Variants in CHCHD3 observed in about 807,000 individuals in gnomAD.
CHCHD3 encodes MICOS complex subunit MIC19.
CHCHD3 carries 20 observed loss-of-function variants against 38.2 expected under a neutral mutation model. The observed-to-expected ratio is 0.52, with a 90% CI of 0.37 to 0.76. The LOEUF is 0.76. Among genes scored for constraint, CHCHD3 ranks in the 30% least tolerant of loss-of-function variants. The pLI is 0.00. For missense variants in CHCHD3, 245 were observed against 279.2 expected (o/e 0.88, Z 0.87); for synonymous variants, 82 against 100.0 (o/e 0.82, Z 1.07).
intron 7 of CHCHD3, among the ~76,000 whole-genome samples, chr7:132,793,703 A>T (rs1444198697): frequency 6.6e-6 from 1 of 152,186 alleles, no homozygotes; most frequent in Non-Finnish European, 1.5e-5. Context: ...AGTGGAGTGG[A>T]CTTAGCCATT....
chr7:133,081,920 G>C lies in CHCHD3; in HGVS notation c.18C>G (p.Ser6Arg), dbSNP rs1039681130. MGGTT[S>R]TRRVTFEADE... ...CCGCCTCGAAGGTGACCCGGCGGGT[G>C]CTGGTGGTCCCACCCATGATTCCGG... The change falls in exon 1 of 8, where the codon AGC becomes AGG. Residue 6 changes from serine (S) to arginine (R), a missense_variant. Physicochemically the swap from Ser to Arg is moderately radical, Grantham distance 110 (BLOSUM62 -1). Transcript: ENST00000262570. The C allele has an allele frequency of 5.1e-6, 8 of 1,555,906 alleles. No homozygotes were observed. The highest frequency in any genetic ancestry group is 7.0e-6 in the Non-Finnish European group (8 of 1,149,832).
At chr7:132,919,298 A>G (rs1277758439) in intron 4 of CHCHD3, among the ~76,000 whole-genome samples, 1 of 151,468 alleles carries the variant, frequency 6.6e-6, no homozygotes, top group Non-Finnish European at 1.5e-5. Context: ...TTGTTAGTAG[A>G]GACGGGGTTT....
chr7:132,929,090 A>G (rs1810455472), intron 4 of CHCHD3, among the ~76,000 whole-genome samples: 1 of 152,174 alleles, frequency 6.6e-6, no homozygotes, highest in African/African-American at 2.4e-5. Flanking sequence ...CTTTCTTTCA[A>G]AGCTTAAAAT....
chr7:132,901,057 A>G (rs542741393), intron 4 of CHCHD3, among the ~76,000 whole-genome samples: 1 of 152,326 alleles, frequency 6.6e-6, no homozygotes, highest in East Asian at 1.9e-4. Flanking sequence ...AGGGATAAAA[A>G]TTACTTTCTA....
chr7:133,043,706 T>G (rs1446431814), intron 2 of CHCHD3, among the ~76,000 whole-genome samples: 1 of 152,098 alleles, frequency 6.6e-6, no homozygotes, highest in East Asian at 1.9e-4. Flanking sequence ...AATTCTCACA[T>G]TTTGCACTTA....
intron 4 of CHCHD3, among the ~76,000 whole-genome samples, chr7:132,960,360 C>T (rs73724133): frequency 6.6e-6 from 1 of 152,032 alleles, no homozygotes; most frequent in African/African-American, 2.4e-5. Context: ...TGGTGATGTG[C>T]AAGATGGAGA....
intron 4 of CHCHD3, chr7:132,972,776 C>A: frequency 1.0e-6 from 1 of 985,410 alleles, no homozygotes; most frequent in Non-Finnish European, 1.2e-6. Flanking sequence ...AATATTACAA[C>A]AGATGCTGAA....
chr7:132,786,994 G>A (rs1268816075), intron 7 of CHCHD3, among the ~76,000 whole-genome samples: 1 of 152,180 alleles, frequency 6.6e-6, no homozygotes, highest in East Asian at 1.9e-4. Context: ...GCTGGAGCGA[G>A]CAGGGAAGGC....
chr7:132,834,482 G>C (rs945776873), intron 6 of CHCHD3, among the ~76,000 whole-genome samples: 1 of 152,156 alleles, frequency 6.6e-6, no homozygotes, highest in Non-Finnish European at 1.5e-5. Flanking sequence ...AAAAATCCAA[G>C]GGCACAGTCC....
chr7:132,804,973 G>A (rs1460792028), intron 6 of CHCHD3, among the ~76,000 whole-genome samples: 3 of 152,176 alleles, frequency 2.0e-5, no homozygotes, highest in Admixed American at 6.5e-5. Context: ...AGAGGAGAAT[G>A]CTTAGGCACT....
At chr7:132,971,841 T>C (rs927091727) in intron 4 of CHCHD3, among the ~76,000 whole-genome samples, 2 of 152,156 alleles carry the variant, frequency 1.3e-5, no homozygotes, top group African/African-American at 4.8e-5. Context: ...TCCCACATAT[T>C]AGAATTAAGA....
intron 6 of CHCHD3, among the ~76,000 whole-genome samples, chr7:132,801,733 G>C (rs932633551): frequency 5.3e-5 from 8 of 152,198 alleles, no homozygotes. Context: ...GGTTAGCTTT[G>C]GCTAGCTAGA....
chr7:132,806,970 G>A (rs886432544), intron 6 of CHCHD3, among the ~76,000 whole-genome samples: 11 of 152,202 alleles, frequency 7.2e-5, no homozygotes, highest in African/African-American at 2.4e-4. Flanking sequence ...CCTAAGAAGG[G>A]TGTCCACAGT....
intron 5 of CHCHD3, among the ~76,000 whole-genome samples, chr7:132,876,792 AC>A (rs1382369467): frequency 6.6e-6 from 1 of 152,192 alleles, no homozygotes; most frequent in African/African-American, 2.4e-5. Flanking sequence ...AGTATTTCCT[AC>A]CAACAGGATT....
At chr7:132,938,633 G>A (rs1004980765) in intron 4 of CHCHD3, among the ~76,000 whole-genome samples, 31 of 151,912 alleles carry the variant, frequency 2.0e-4, no homozygotes, top group Admixed American at 1.6e-3. Flanking sequence ...AGTGCCTATC[G>A]AATGGAAATT....
chr7:132,896,615 C>CA (rs1294141458), intron 4 of CHCHD3, among the ~76,000 whole-genome samples: 3 of 152,272 alleles, frequency 2.0e-5, no homozygotes, highest in Admixed American at 2.0e-4. Context: ...AATCAAAACT[C>CA]AAATGAATGG....
intron 2 of CHCHD3, among the ~76,000 whole-genome samples, chr7:133,027,519 CTATT>C (rs1414043174): frequency 6.6e-6 from 1 of 151,852 alleles, no homozygotes; most frequent in Non-Finnish European, 1.5e-5. Flanking sequence ...AGAGGAAAAA[CTATT>C]TAATGTCTAA....
chr7:133,001,576 A>T (rs1176177690), intron 3 of CHCHD3, among the ~76,000 whole-genome samples: 1 of 152,150 alleles, frequency 6.6e-6, no homozygotes, highest in Non-Finnish European at 1.5e-5. Flanking sequence ...TATTTCTCTC[A>T]CTTAGCACTT....
At chr7:132,993,784 A>G (rs1562932140) in intron 3 of CHCHD3, among the ~76,000 whole-genome samples, 1 of 152,222 alleles carries the variant, frequency 6.6e-6, no homozygotes, top group Non-Finnish European at 1.5e-5. Context: ...TCTCAGGAAC[A>G]GTCACAGAGA....
Sources: gnomAD v4.1 joint callset for allele counts (sites outside exome capture counted in the v4.1 genomes callset) on GRCh38, gnomAD v4.1.1 for gene constraint, MANE v1.5 for transcripts, NCBI Gene and HGNC (gene_info 2026-07-23, HGNC 2026-07-21) for gene names.